GAS2: variants seen among roughly 807,000 people sequenced by gnomAD.
The protein encoded by GAS2 is growth arrest-specific protein 2.
Under a neutral mutation model 37.5 loss-of-function variants are expected in GAS2, and 20 were observed. The ratio of observed to expected loss-of-function variants is 0.53; its 90% CI spans 0.37 to 0.77. The LOEUF is 0.77. Ranked by LOEUF, GAS2 falls within the 30% of genes least tolerant of loss-of-function variation. GAS2 has a pLI of 0.00. For synonymous variants in GAS2, 144 were observed against 132.2 expected, an observed-to-expected ratio of 1.09 and a Z score of -0.61; for missense variants, 336 against 373.4, an observed-to-expected ratio of 0.90 and a Z score of 0.82.
At chr11:22,692,918 T>G (rs1197968601) in intron 3 of GAS2, among the ~76,000 whole-genome samples, 3 of 152,184 alleles carry the variant, frequency 2.0e-5, no homozygotes, top group Non-Finnish European at 4.4e-5. Context: ...ATTTGTGTCG[T>G]GTCCTTTCCT....
At chr11:22,769,188 T>C (rs1285468252) in intron 7 of GAS2, among the ~76,000 whole-genome samples, 1 of 152,156 alleles carries the variant, frequency 6.6e-6, no homozygotes, top group Admixed American at 6.5e-5. Context: ...CCACAGGATA[T>C]GTGTCACAAA....
chr11:22,637,192 TTA>T (rs1858837955), intron 1 of GAS2, among the ~76,000 whole-genome samples: 1 of 96,772 alleles, frequency 1.0e-5, no homozygotes, highest in Non-Finnish European at 2.2e-5. Flanking sequence ...TATGTTAATA[TTA>T]TATTAATATA....
intron 3 of GAS2, among the ~76,000 whole-genome samples, chr11:22,725,003 A>G (rs1852129239): frequency 6.6e-6 from 1 of 152,028 alleles, no homozygotes; most frequent in Non-Finnish European, 1.5e-5. Flanking sequence ...GAATATAAGA[A>G]AGATTTTATA....
chr11:22,643,836 C>G (rs563372981), intron 1 of GAS2, among the ~76,000 whole-genome samples: 2 of 152,002 alleles, frequency 1.3e-5, no homozygotes, highest in Non-Finnish European at 2.9e-5. Context: ...ATATAAATAC[C>G]TGCCAGGAAG....
intron 1 of GAS2, among the ~76,000 whole-genome samples, chr11:22,642,610 C>T (rs1014439287): frequency 2.0e-5 from 3 of 151,982 alleles, no homozygotes; most frequent in African/African-American, 7.3e-5. Flanking sequence ...ACAAACTGTC[C>T]AGAAGACATC....
chr11:22,812,749 C>T lies in GAS2; in HGVS notation c.*733C>T, dbSNP rs1032693451. On this transcript the variant is annotated 3_prime_UTR_variant, in exon 8 of 8. Transcript: ENST00000454584. ...ATACATGAGCTGACATACGTTGATACTTTGACGAGTAAATTGTACAGTCAA... is the reference window on the plus strand; with the variant it reads ...ATACATGAGCTGACATACGTTGATATTTTGACGAGTAAATTGTACAGTCAA... The T allele has an allele frequency of 6.6e-6, 1 of 152,500 alleles. No individual in the cohort carries two copies. The highest frequency in any genetic ancestry group is 1.5e-5 in the Non-Finnish European group (1 of 67,990). 9.4% of individuals were successfully genotyped at this position (152,500 alleles called of 1,614,324 possible). A position where few individuals can be genotyped will look rare whatever the true frequency, so the allele number is the denominator to read the frequency against.
intron 3 of GAS2, among the ~76,000 whole-genome samples, chr11:22,701,696 G>A (rs945403328): frequency 3.9e-5 from 6 of 152,108 alleles, no homozygotes; most frequent in Admixed American, 1.3e-4. Flanking sequence ...GGGTGTGGTG[G>A]CAGGTGCCTG....
intron 4 of GAS2, among the ~76,000 whole-genome samples, chr11:22,732,859 A>G (rs1044609729): frequency 5.3e-5 from 8 of 151,758 alleles, no homozygotes; most frequent in African/African-American, 1.7e-4. Flanking sequence ...TGTTACATAT[A>G]TCAAAGCACA....
intron 1 of GAS2, among the ~76,000 whole-genome samples, chr11:22,639,359 C>A (rs1858881430): frequency 6.6e-6 from 1 of 152,090 alleles, no homozygotes; most frequent in South Asian, 2.1e-4. Context: ...CATGTGTTGC[C>A]TTCTGCCATG....
At chr11:22,689,548 T>A (rs1281641574) in intron 3 of GAS2, among the ~76,000 whole-genome samples, 2 of 152,202 alleles carry the variant, frequency 1.3e-5, no homozygotes, top group Non-Finnish European at 2.9e-5. Context: ...GCCAGAGGGT[T>A]AGTATGTATA....
chr11:22,739,425 T>A (rs901261144), intron 5 of GAS2, among the ~76,000 whole-genome samples: 12 of 151,462 alleles, frequency 7.9e-5, no homozygotes, highest in Non-Finnish European at 1.5e-4. Context: ...ATACAAAAAA[T>A]TAGCCGGGTG....
At chr11:22,652,997 T>TTCTTTCTTTGTCTTTCTTTCTTTG (rs1246473489) in intron 1 of GAS2, among the ~76,000 whole-genome samples, 5 of 135,686 alleles carry the variant, frequency 3.7e-5, no homozygotes, top group Admixed American at 7.7e-5. Flanking sequence ...TTCTTTGTCT[T>TTCTTTCTTTGTCTTTCTTTCTTTG]TCTTTCTTTC....
chr11:22,790,439 C>T (rs1023837637), intron 7 of GAS2, among the ~76,000 whole-genome samples: 5 of 152,182 alleles, frequency 3.3e-5, no homozygotes, highest in African/African-American at 1.2e-4. Context: ...CCTGATTTCC[C>T]TCAGATGGAA....
intron 3 of GAS2, among the ~76,000 whole-genome samples, chr11:22,725,795 T>C (rs1164269002): frequency 6.6e-6 from 1 of 152,172 alleles, no homozygotes; most frequent in Non-Finnish European, 1.5e-5. Context: ...TGATGTTAAA[T>C]AATTCTGCTG....
intron 3 of GAS2, among the ~76,000 whole-genome samples, chr11:22,705,659 T>C (rs969048993): frequency 2.6e-5 from 4 of 152,188 alleles, no homozygotes; most frequent in Non-Finnish European, 4.4e-5. Flanking sequence ...AATGAAAACA[T>C]TCAATTGATT....
At chr11:22,733,552 T>G (rs1359757489) in intron 4 of GAS2, among the ~76,000 whole-genome samples, 1 of 151,716 alleles carries the variant, frequency 6.6e-6, no homozygotes, top group African/African-American at 2.4e-5. Flanking sequence ...TCTAATGCAT[T>G]TTATCCTTGC....
intron 1 of GAS2, among the ~76,000 whole-genome samples, chr11:22,673,713 C>G (rs1243482884): frequency 6.6e-6 from 1 of 152,154 alleles, no homozygotes; most frequent in Non-Finnish European, 1.5e-5. Context: ...TAAAGACCAG[C>G]CTGGCCAACA....
rs182513460 is a variant in GAS2, at chr11:22,712,252, A to G, written c.268-14040A>G. Among the ~76,000 whole-genome samples the G allele has an allele frequency of 1.9e-3, 289 of 152,278 alleles. 1 individual carries two copies. Among genetic ancestry groups the G allele is most frequent in the Admixed American group, 4.1e-3 (63 of 15,304 alleles). On this transcript the variant is annotated intron_variant, in intron 3 of 7. Coordinates refer to ENST00000454584, the MANE Select transcript of GAS2 (RefSeq NM_001143830.3). ...AGCATAACCAACATTCAAGAAAACC[A>G]GTGCACTAAACAAAACTACAACCAA... is the stretch of plus-strand genomic sequence containing the variant.
intron 7 of GAS2, among the ~76,000 whole-genome samples, chr11:22,769,033 C>T (rs1206117374): frequency 6.6e-6 from 1 of 152,156 alleles, no homozygotes; most frequent in Non-Finnish European, 1.5e-5. Flanking sequence ...TAAGGAACTC[C>T]TTATGTTCCT....
Sources: allele counts gnomAD v4.1 joint callset (sites outside exome capture counted in the v4.1 genomes callset), GRCh38; gene constraint gnomAD v4.1.1; transcripts MANE v1.5; gene names NCBI Gene and HGNC (gene_info 2026-07-23, HGNC 2026-07-21).